NARS2: variants seen among roughly 807,000 people sequenced by gnomAD.
The protein encoded by NARS2 is asparaginyl-tRNA synthetase.
Under a neutral mutation model 62.9 loss-of-function variants are expected in NARS2, and 60 were observed. That is an observed-to-expected ratio of 0.95 (90% CI 0.77 to 1.18). NARS2 has a LOEUF of 1.18. NARS2 is among the 50% of genes most tolerant of loss of function. The probability of loss-of-function intolerance (pLI) is 0.00; values close to 1 mark genes in which losing one functional copy is unlikely to be tolerated. For missense variants in NARS2, 619 were observed against 576.4 expected, an observed-to-expected ratio of 1.07 and a Z score of -0.76; for synonymous variants, 196 against 200.0, an observed-to-expected ratio of 0.98 and a Z score of 0.17.
chr11:78,563,077 A>G (rs1307993916), intron 4 of NARS2, among the ~76,000 whole-genome samples: 1 of 152,206 alleles, frequency 6.6e-6, no homozygotes, highest in African/African-American at 2.4e-5. Flanking sequence ...ACTATCACAC[A>G]TAAAGGTAGG....
chr11:78,528,549 A>G (rs1292965531), intron 6 of NARS2, among the ~76,000 whole-genome samples: 2 of 152,236 alleles, frequency 1.3e-5, no homozygotes, highest in Non-Finnish European at 2.9e-5. Context: ...TAAACTATAA[A>G]TTGCCTTTAC....
intron 6 of NARS2, among the ~76,000 whole-genome samples, chr11:78,519,656 C>T (rs747318270): frequency 3.0e-4 from 45 of 151,892 alleles, no homozygotes; most frequent in Non-Finnish European, 6.0e-4. Context: ...AATAATTTAA[C>T]CTTTAATACA....
chr11:78,460,170 T>C (rs1372324876), intron 11 of NARS2, among the ~76,000 whole-genome samples: 1 of 152,150 alleles, frequency 6.6e-6, no homozygotes, highest in African/African-American at 2.4e-5. Flanking sequence ...AGCCACATTC[T>C]ACTAGGCATT....
intron 6 of NARS2, among the ~76,000 whole-genome samples, chr11:78,505,297 CACACACACACACACACACACACACACAT>C (rs1341356567): frequency 6.2e-5 from 9 of 144,746 alleles, no homozygotes; most frequent in African/African-American, 2.5e-4. Context: ...CACACACACA[CACACACACACACACACACACACACACAT>C]ACGTATGTAT....
At chr11:78,517,563 C>T (rs929874475) in intron 6 of NARS2, among the ~76,000 whole-genome samples, 4 of 152,114 alleles carry the variant, frequency 2.6e-5, no homozygotes, top group African/African-American at 9.7e-5. Flanking sequence ...CCATTATAAC[C>T]CTCTACCTCC....
At chr11:78,499,354 C>T (rs1860197265) in intron 6 of NARS2, among the ~76,000 whole-genome samples, 2 of 152,184 alleles carry the variant, frequency 1.3e-5, no homozygotes, top group East Asian at 3.9e-4. Context: ...CCAGACTGGA[C>T]TCCTGGGGTC....
intron 4 of NARS2, among the ~76,000 whole-genome samples, chr11:78,561,262 T>G (rs1856547546): frequency 6.6e-6 from 1 of 152,106 alleles, no homozygotes; most frequent in African/African-American, 2.4e-5. Context: ...AAAGGAAGAA[T>G]AATACAGCCG....
At chr11:78,478,544 A>C (rs1859208536) in intron 8 of NARS2, 41 bp downstream of exon 8, 2 of 1,370,340 alleles carry the variant, frequency 1.5e-6, no homozygotes. Context: ...TTAACACATT[A>C]AACAGTAGAT....
intron 11 of NARS2, among the ~76,000 whole-genome samples, chr11:78,457,976 C>G (rs887772057): frequency 2.6e-5 from 4 of 151,894 alleles, no homozygotes; most frequent in Non-Finnish European, 5.9e-5. Context: ...GTAACGGGGG[C>G]TTGGAAGGGT....
chr11:78,506,158 T>C (rs1860489146), intron 6 of NARS2, among the ~76,000 whole-genome samples: 2 of 152,222 alleles, frequency 1.3e-5, no homozygotes, highest in Non-Finnish European at 2.9e-5. Context: ...TGACATATCC[T>C]ATACTCACTA....
intron 5 of NARS2, among the ~76,000 whole-genome samples, chr11:78,536,764 C>T (rs1375480819): frequency 2.6e-5 from 4 of 151,970 alleles, no homozygotes; most frequent in African/African-American, 7.3e-5. Flanking sequence ...AGCTTAAGTA[C>T]ATAGGTTTGC....
At chr11:78,570,867 A>G (rs1856897462) in intron 2 of NARS2, among the ~76,000 whole-genome samples, 1 of 152,230 alleles carries the variant, frequency 6.6e-6, no homozygotes, top group Non-Finnish European at 1.5e-5. Flanking sequence ...ACAGTTGATT[A>G]CCATTCAATG....
chr11:78,532,597 C>G (rs1180351214), intron 5 of NARS2, among the ~76,000 whole-genome samples: 1 of 152,176 alleles, frequency 6.6e-6, no homozygotes, highest in East Asian at 1.9e-4. Flanking sequence ...ACGGGCAAGT[C>G]ACTACAACTT....
chr11:78,499,751 G>A (rs1860214430), intron 6 of NARS2, among the ~76,000 whole-genome samples: 1 of 152,158 alleles, frequency 6.6e-6, no homozygotes, highest in African/African-American at 2.4e-5. Flanking sequence ...TTTGGCTCCT[G>A]AGTGAAATGC....
chr11:78,544,099 G>GTAAA (rs1429323164), intron 5 of NARS2, among the ~76,000 whole-genome samples: 12 of 149,534 alleles, frequency 8.0e-5, no homozygotes, highest in African/African-American at 2.9e-4. Flanking sequence ...CAACTCCTGT[G>GTAAA]TAAATCACTA....
chr11:78,517,784 C>T (rs1239338972), intron 6 of NARS2, among the ~76,000 whole-genome samples: 1 of 152,210 alleles, frequency 6.6e-6, no homozygotes, highest in East Asian at 1.9e-4. Flanking sequence ...TCTGTCAATA[C>T]TATACAGAAA....
intron 11 of NARS2, among the ~76,000 whole-genome samples, chr11:78,453,822 C>T (rs1858056374): frequency 5.3e-5 from 8 of 152,140 alleles, no homozygotes; most frequent in Admixed American, 5.2e-4. Flanking sequence ...TGAAGAGATG[C>T]AGATGGGCTG....
chr11:78,459,181 C>G (rs1858289812), intron 11 of NARS2, among the ~76,000 whole-genome samples: 1 of 151,282 alleles, frequency 6.6e-6, no homozygotes, highest in African/African-American at 2.4e-5. Context: ...TCCCAAAGTG[C>G]TGGGATTACA....
intron 5 of NARS2, among the ~76,000 whole-genome samples, chr11:78,550,004 T>C (rs1856037400): frequency 6.6e-6 from 1 of 152,184 alleles, no homozygotes; most frequent in Non-Finnish European, 1.5e-5. Context: ...ATGGTCAATA[T>C]GTACATAAAA....
Sources: allele counts gnomAD v4.1 joint callset (sites outside exome capture counted in the v4.1 genomes callset), GRCh38; gene constraint gnomAD v4.1.1; transcripts MANE v1.5; gene names NCBI Gene and HGNC (gene_info 2026-07-23, HGNC 2026-07-21).